The following DLG2 variants were observed in gnomAD, a reference collection of about 807,000 sequenced individuals.
DLG2 encodes disks large homolog 2.
A neutral mutation model predicts 132.5 loss-of-function variants in DLG2; 45 were observed. That is an observed-to-expected ratio of 0.34 (90% CI 0.27 to 0.44). The LOEUF is 0.44. Ranked by LOEUF, DLG2 falls within the 20% of genes least tolerant of loss-of-function variation. The pLI, the probability that DLG2 is intolerant of heterozygous loss-of-function variation, is 1.00. For synonymous variants in DLG2, 424 were observed against 419.6 expected, an observed-to-expected ratio of 1.01 and a Z score of -0.13; for missense variants, 1,045 against 1,196.9, an observed-to-expected ratio of 0.87 and a Z score of 1.87.
chr11:84,200,758 C>T (rs139507220), intron 8 of DLG2, among the ~76,000 whole-genome samples: 19 of 151,968 alleles, frequency 1.3e-4, no homozygotes, highest in East Asian at 7.8e-4. Context: ...TGCCTGTTGT[C>T]GGTTTAAAGG....
intron 7 of DLG2, among the ~76,000 whole-genome samples, chr11:84,341,337 A>T (rs2098513619): frequency 6.6e-6 from 1 of 152,144 alleles, no homozygotes; most frequent in South Asian, 2.1e-4. Flanking sequence ...TGTGAAATTC[A>T]TATTGCCTTA....
chr11:84,090,186 G>A (rs1357614838), intron 10 of DLG2, among the ~76,000 whole-genome samples: 2 of 152,098 alleles, frequency 1.3e-5, no homozygotes, highest in African/African-American at 2.4e-5. Context: ...GGCCGAGGCA[G>A]GTAGATTGCC....
chr11:83,683,850 C>T (rs1385655940), intron 18 of DLG2, among the ~76,000 whole-genome samples: 1 of 152,100 alleles, frequency 6.6e-6, no homozygotes, highest in African/African-American at 2.4e-5. Flanking sequence ...AGAGACCTAA[C>T]ATCTCTCTAC....
chr11:85,137,871 A>G (rs1202723369), intron 5 of DLG2, among the ~76,000 whole-genome samples: 1 of 152,156 alleles, frequency 6.6e-6, no homozygotes, highest in Non-Finnish European at 1.5e-5. Flanking sequence ...CCTCATTTCC[A>G]AACTCTCCAG....
intron 3 of DLG2, among the ~76,000 whole-genome samples, chr11:85,596,807 A>C (rs1014497610): frequency 1.3e-5 from 2 of 152,222 alleles, no homozygotes; most frequent in African/African-American, 4.8e-5. Flanking sequence ...TTGTGTCCTT[A>C]AAGAAAATGC....
At chr11:85,025,979 T>C (rs1435076314) in intron 6 of DLG2, among the ~76,000 whole-genome samples, 2 of 151,944 alleles carry the variant, frequency 1.3e-5, no homozygotes, top group African/African-American at 4.8e-5. Context: ...AAATTTCAAG[T>C]AGCTTAGTGG....
intron 7 of DLG2, among the ~76,000 whole-genome samples, chr11:84,427,690 C>A (rs113518125): frequency 3.3e-5 from 5 of 152,190 alleles, no homozygotes; most frequent in African/African-American, 1.2e-4. Context: ...CTCCCCTAAC[C>A]CCAATATACT....
At chr11:85,485,316 A>G (rs891762473) in intron 3 of DLG2, among the ~76,000 whole-genome samples, 5 of 152,222 alleles carry the variant, frequency 3.3e-5, no homozygotes, top group African/African-American at 1.2e-4. Flanking sequence ...ACTAACCTGC[A>G]CATTGTGCAC....
chr11:84,799,756 G>A (rs1375617134), intron 6 of DLG2, among the ~76,000 whole-genome samples: 2 of 152,060 alleles, frequency 1.3e-5, no homozygotes, highest in Non-Finnish European at 2.9e-5. Context: ...AAGGCGTCCA[G>A]GAAATATTCA....
intron 3 of DLG2, among the ~76,000 whole-genome samples, chr11:85,447,922 G>T (rs921414449): frequency 6.6e-6 from 1 of 152,142 alleles, no homozygotes; most frequent in African/African-American, 2.4e-5. Context: ...CTTTGAAAAT[G>T]TTTTCCCAAA....
intron 3 of DLG2, among the ~76,000 whole-genome samples, chr11:85,476,640 G>C (rs1211913799): frequency 6.6e-6 from 1 of 151,212 alleles, no homozygotes; most frequent in Non-Finnish European, 1.5e-5. Context: ...AAACTTTTTT[G>C]TTAAAAACTG....
intron 6 of DLG2, among the ~76,000 whole-genome samples, chr11:85,072,227 A>T (rs1269896415): frequency 6.6e-6 from 1 of 151,872 alleles, no homozygotes; most frequent in Non-Finnish European, 1.5e-5. Context: ...AGTCCTTGGC[A>T]TATAGCAGTC....
At position 83,484,131 on chromosome 11, in the gene DLG2, T is replaced by G. The variant is rs1445937013; in HGVS notation, c.2291A>C (p.Glu764Ala). 6.2e-7 allele frequency: 1 copy of G among 1,611,848 alleles called. No homozygotes were observed. Among genetic ancestry groups the G allele is most frequent in the Non-Finnish European group, 8.5e-7 (1 of 1,178,316 alleles). ...ATTATCTTTCAGAATCTACTTACGTTCAGGATCACTGGTTTCCTGCTCACT... is the reference window on the plus strand; with the variant it reads ...ATTATCTTTCAGAATCTACTTACGTGCAGGATCACTGGTTTCCTGCTCACT... ...EQSEQETSDP[E>A]RGQEDLILSY... Residue 764 changes from glutamate to alanine, a missense_variant and splice_region_variant, in exon 22 of 28, where the codon GAA (glutamate) becomes GCA (alanine). This residue lies in a region of DLG2 where 398 missense variants were observed against 543.6 expected (regional missense o/e 0.73). Transcript: ENST00000376104.
At chr11:85,354,692 G>A (rs2083555106) in intron 3 of DLG2, among the ~76,000 whole-genome samples, 1 of 151,670 alleles carries the variant, frequency 6.6e-6, no homozygotes. Context: ...ATCATTACCA[G>A]GAGCACCACA....
chr11:83,914,087 G>T (rs2076514524), intron 15 of DLG2, among the ~76,000 whole-genome samples: 1 of 152,142 alleles, frequency 6.6e-6, no homozygotes, highest in African/African-American at 2.4e-5. Flanking sequence ...TTGGATATTT[G>T]TCCTTTCTGA....
chr11:85,080,665 G>A (rs2067119427), intron 6 of DLG2, among the ~76,000 whole-genome samples: 1 of 152,122 alleles, frequency 6.6e-6, no homozygotes, highest in Non-Finnish European at 1.5e-5. Flanking sequence ...TCTAGATGAG[G>A]TAGGTGTATG....
intron 10 of DLG2, among the ~76,000 whole-genome samples, chr11:84,098,264 C>T (rs2097194340): frequency 6.6e-6 from 1 of 152,080 alleles, no homozygotes; most frequent in East Asian, 1.9e-4. Context: ...GTCTCAAACT[C>T]CTGACCTCAA....
intron 16 of DLG2, among the ~76,000 whole-genome samples, chr11:83,836,525 T>A (rs2056215642): frequency 6.6e-6 from 1 of 152,194 alleles, no homozygotes; most frequent in Admixed American, 6.5e-5. Context: ...CTTCTCCAAC[T>A]AGCTGAATAA....
chr11:85,280,232 T>C (rs2078144430), intron 4 of DLG2, among the ~76,000 whole-genome samples: 2 of 152,084 alleles, frequency 1.3e-5, no homozygotes, highest in African/African-American at 4.8e-5. Context: ...TCATTATCAA[T>C]ATAAGTGCTC....
Sources: gnomAD v4.1 joint callset for allele counts (sites outside exome capture counted in the v4.1 genomes callset) on GRCh38, gnomAD v4.1.1 for gene constraint, gnomAD v4.1.1 regional missense constraint, MANE v1.5 for transcripts, NCBI Gene and HGNC (gene_info 2026-07-23, HGNC 2026-07-21) for gene names.